UGT2B10: variants seen among roughly 807,000 people sequenced by gnomAD.
The protein encoded by UGT2B10 is UDP-glucuronosyltransferase 2B10.
A neutral mutation model predicts 43.7 loss-of-function variants in UGT2B10; 51 were observed. The ratio of observed to expected loss-of-function variants is 1.17; its 90% CI spans 0.93 to 1.47. The LOEUF is 1.47. Among genes scored for constraint, UGT2B10 ranks in the 40% most tolerant of loss-of-function variants. UGT2B10 has a pLI of 0.00. For synonymous variants in UGT2B10, 225 were observed against 209.0 expected (o/e 1.08, Z -0.66); for missense variants, 696 against 617.7 (o/e 1.13, Z -1.34).
At position 68,831,895 on chromosome 4, in the gene UGT2B10, A is replaced by G. The variant is rs1241723289; in HGVS notation, c.*1016A>G. Among the ~76,000 whole-genome samples, 1 of 152,002 alleles carries G rather than the reference A, an allele frequency of 6.6e-6. No individual in the cohort carries two copies. Among genetic ancestry groups the G allele is most frequent in the Non-Finnish European group, 1.5e-5 (1 of 67,966 alleles). ...GACTAAGGATTATTCATTAAGTTTT[A>G]CTTGTTTATCTGACATTTATTATTT... On this transcript the variant is annotated 3_prime_UTR_variant, in exon 6 of 6. Transcript: ENST00000265403.
chr4:68,827,697 C>A, intron 5 of UGT2B10, 149 bp downstream of exon 5: 1 of 1,351,210 alleles, frequency 7.4e-7, no homozygotes, highest in Non-Finnish European at 9.9e-7. Flanking sequence ...TACTTTTTAT[C>A]TGTTATTTAA....
rs540637115 is a variant in UGT2B10 at position 68,827,307 on chromosome 4, G to T, written c.1088-22G>T. On this transcript the variant is annotated intron_variant, in intron 4 of 5. Coordinates refer to ENST00000265403, the MANE Select transcript of UGT2B10 (RefSeq NM_001075.6). ...TCATTTTATTCCTATGAATAATTTT[G>T]CTAAAATTCATCCAATCCTAGGTCA... is the stretch of plus-strand genomic sequence containing the variant. The T allele has an allele frequency of 3.7e-5, 60 of 1,612,068 alleles. No individual in the cohort carries two copies. The East Asian group carries it at 1.0e-3, about 28-fold the overall frequency.
In UGT2B10 at chr4:68,818,034, C is replaced by T. The variant is rs1284422668; in HGVS notation, c.724C>T (p.Pro242Ser). 8.1e-6 allele frequency: 13 copies of T among 1,607,908 alleles called. 1 individual carries two copies. The highest frequency in any genetic ancestry group is 2.2e-5 in the East Asian group (1 of 44,696). ...DQFYSEVLGR[P>S]TTLSETMRKA... ...CTTTTCTTTATTCCTATCAGGAAGA[C>T]CCACTACATTATCTGAGACAATGAG... Residue 242 changes from proline to serine, a missense_variant, in exon 2 of 6, where the codon CCC becomes TCC. By Grantham distance (74) the Pro-to-Ser change is moderately conservative (BLOSUM62 -1). Transcript: ENST00000265403.
intron 1 of UGT2B10, among the ~76,000 whole-genome samples, chr4:68,817,124 A>G (rs190484651): frequency 6.6e-6 from 1 of 151,972 alleles, no homozygotes; most frequent in Non-Finnish European, 1.5e-5. Flanking sequence ...AACTATCTAT[A>G]TAACTGCAGA....
intron 3 of UGT2B10, among the ~76,000 whole-genome samples, chr4:68,825,425 G>C (rs906737758): frequency 1.3e-5 from 2 of 151,746 alleles, no homozygotes; most frequent in Non-Finnish European, 2.9e-5. Flanking sequence ...TGTACTGATT[G>C]TTTCATCACC....
rs1209377301 is a variant in UGT2B10 at position 68,827,519 on chromosome 4, T to C, written c.1278T>C (p.Asn426=). The C allele has an allele frequency of 6.2e-7, 1 of 1,613,274 alleles. No homozygotes were observed. Among genetic ancestry groups the C allele is most frequent in the Non-Finnish European group, 8.5e-7 (1 of 1,179,502 alleles). The change falls in exon 5 of 6, where the codon AAT becomes AAC. Residue 426 remains asparagine, a synonymous_variant. Coordinates refer to ENST00000265403, the MANE Select transcript of UGT2B10 (RefSeq NM_001075.6). ...FNTMSSTDLL[N]ALKTVINDPS... ...CAATGTCGAGTACAGACCTGCTGAATGCACTGAAGACAGTAATTAATGATC... is the reference window on the plus strand; with the variant it reads ...CAATGTCGAGTACAGACCTGCTGAACGCACTGAAGACAGTAATTAATGATC...
At position 68,816,572 on chromosome 4, in the gene UGT2B10, G is replaced by A; in HGVS notation, c.553G>A (p.Gly185Arg). 1.2e-6 allele frequency: 2 copies of A among 1,612,962 alleles called. No individual in the cohort carries two copies. Among genetic ancestry groups the A allele is most frequent in the Non-Finnish European group, 1.7e-6 (2 of 1,179,330 alleles). ...CTACTCATTTGAAAGGCACAGTGGA[G>A]GATTTATTTTCCCTCCTTCCTACGT... ...PGYSFERHSG[G>R]FIFPPSYVPV... Residue 185 changes from glycine (G) to arginine (R), a missense_variant, in exon 1 of 6, where the codon GGA (glycine) becomes AGA (arginine). Gly to Arg is a moderately radical substitution (Grantham distance 125). Coordinates refer to ENST00000265403, the MANE Select transcript of UGT2B10 (RefSeq NM_001075.6).
At chr4:68,829,797 T>G (rs185461307) in intron 5 of UGT2B10, among the ~76,000 whole-genome samples, 33 of 152,188 alleles carry the variant, frequency 2.2e-4, no homozygotes, top group African/African-American at 4.1e-4. Flanking sequence ...AGTGTGCAGG[T>G]AAAAGTGTTA....
At chr4:68,830,211 G>A (rs1269877439) in intron 5 of UGT2B10, among the ~76,000 whole-genome samples, 1 of 151,788 alleles carries the variant, frequency 6.6e-6, no homozygotes, top group Non-Finnish European at 1.5e-5. Flanking sequence ...CTTAAGGAAT[G>A]AATATCTTAT....
rs753260829 is a variant in UGT2B10 at position 68,827,522 on chromosome 4, A to T, written c.1281A>T (p.Ala427=). 1 of 1,613,372 alleles carries T rather than the reference A, an allele frequency of 6.2e-7. No individual in the cohort carries two copies. Among genetic ancestry groups the T allele is most frequent in the Non-Finnish European group, 8.5e-7 (1 of 1,179,474 alleles). ...NTMSSTDLLN[A]LKTVINDPSY... ...TGTCGAGTACAGACCTGCTGAATGCACTGAAGACAGTAATTAATGATCCTT... is the reference window on the plus strand; with the variant it reads ...TGTCGAGTACAGACCTGCTGAATGCTCTGAAGACAGTAATTAATGATCCTT... Residue 427 remains alanine, a synonymous_variant, in exon 5 of 6, where the codon GCA becomes GCT. Transcript: ENST00000265403.
At chr4:68,822,478 T>A in intron 3 of UGT2B10, 76 bp downstream of exon 3, 1 of 1,602,442 alleles carries the variant, frequency 6.2e-7, no homozygotes, top group Non-Finnish European at 8.5e-7. Flanking sequence ...ATAGAAAGAA[T>A]ATTAAAGAGT....
chr4:68,827,573 A>T (rs766626620), intron 5 of UGT2B10, 25 bp downstream of exon 5: 1 of 1,612,618 alleles, frequency 6.2e-7, no homozygotes, highest in Non-Finnish European at 8.5e-7. Flanking sequence ...ATTTTTCACT[A>T]GATGGTATTA....
intron 2 of UGT2B10, among the ~76,000 whole-genome samples, 165 bp downstream of exon 2, chr4:68,818,342 G>A (rs1210944776): frequency 1.3e-5 from 2 of 151,740 alleles, no homozygotes; most frequent in Non-Finnish European, 3.0e-5. Context: ...ACCATCACAC[G>A]TATGTGAGTT....
At chr4:68,826,638 G>A (rs764885372) in intron 4 of UGT2B10, 141 bp downstream of exon 4, 57 of 1,065,924 alleles carry the variant, frequency 5.3e-5, no homozygotes, top group Non-Finnish European at 7.2e-5. Flanking sequence ...CAGTCCTAGG[G>A]GAAAAGAATA....
rs373900837 is a variant in UGT2B10, at chr4:68,816,277, G to A, written c.258G>A (p.Glu86=). The A allele has an allele frequency of 8.7e-6, 14 of 1,612,930 alleles. No homozygotes were observed. The highest frequency in any genetic ancestry group is 1.7e-5 in the Admixed American group (1 of 59,866). ...CATCTTTAACTAAAACTGAATTTGAGAATATCATCATGCAATTGGTTAAGA... is the reference window on the plus strand; with the variant it reads ...CATCTTTAACTAAAACTGAATTTGAAAATATCATCATGCAATTGGTTAAGA... ...YPTSLTKTEF[E]NIIMQLVKRL... Residue 86 remains glutamate, a synonymous_variant, in exon 1 of 6, where the codon GAG becomes GAA. Coordinates refer to ENST00000265403, the MANE Select transcript of UGT2B10 (RefSeq NM_001075.6).
intron 5 of UGT2B10, 90 bp from the exon 6 acceptor site, chr4:68,830,510 A>T: frequency 7.2e-7 from 1 of 1,391,194 alleles, no homozygotes; most frequent in South Asian, 1.6e-5. Flanking sequence ...ACTTTGAATT[A>T]TTTGACACTT....
chr4:68,830,171 G>A (rs968224498), intron 5 of UGT2B10, among the ~76,000 whole-genome samples: 14 of 151,828 alleles, frequency 9.2e-5, no homozygotes, highest in Admixed American at 3.3e-4. Context: ...AGTGTAATGT[G>A]GAATGTGTTC....
chr4:68,816,770 C>T lies in UGT2B10; in HGVS notation c.718+33C>T, dbSNP rs765196181. On this transcript the variant is annotated intron_variant, in intron 1 of 5. Transcript: ENST00000265403. ...TTTTTTCAATTAGTAACATGAAGCT[C>T]TAACTTATTTGTGTCTTTGAAGCAC... is the stretch of plus-strand genomic sequence containing the variant. The T allele has an allele frequency of 3.3e-6, 5 of 1,514,726 alleles. No individual in the cohort carries two copies. In the Admixed American group the frequency reaches 8.1e-5, roughly 25 times the overall value. The allele number at this position is 1,514,726 out of a possible 1,614,324, so 93.8% of individuals were successfully genotyped here.
At chr4:68,826,004 A>T (rs757587494) in intron 3 of UGT2B10, among the ~76,000 whole-genome samples, 2 of 152,018 alleles carry the variant, frequency 1.3e-5, no homozygotes, top group African/African-American at 4.8e-5. Context: ...ACATCATGAT[A>T]TTTTTTGAGT....
Sources: allele counts gnomAD v4.1 joint callset (sites outside exome capture counted in the v4.1 genomes callset), GRCh38; gene constraint gnomAD v4.1.1; transcripts MANE v1.5; gene names NCBI Gene and HGNC (gene_info 2026-07-23, HGNC 2026-07-21).